Variants in IGF2BP3 observed in about 807,000 individuals in gnomAD.
IGF2BP3 encodes the protein insulin-like growth factor 2 mRNA-binding protein 3.
A neutral mutation model predicts 73.8 loss-of-function variants in IGF2BP3; 9 were observed. The ratio of observed to expected loss-of-function variants is 0.12; its 90% CI spans 0.07 to 0.21. The LOEUF (loss-of-function observed/expected upper bound fraction) is 0.21. Among genes scored for constraint, IGF2BP3 ranks in the 10% least tolerant of loss-of-function variants. The probability of loss-of-function intolerance (pLI) is 1.00; values close to 1 mark genes in which losing one functional copy is unlikely to be tolerated. For synonymous variants in IGF2BP3, 258 were observed against 256.7 expected, an observed-to-expected ratio of 1.01 and a Z score of -0.05; for missense variants, 542 against 714.0, an observed-to-expected ratio of 0.76 and a Z score of 2.75.
At chr7:23,327,472 G>C (rs1160013694) in intron 10 of IGF2BP3, among the ~76,000 whole-genome samples, 1 of 151,732 alleles carries the variant, frequency 6.6e-6, no homozygotes, top group Non-Finnish European at 1.5e-5. Flanking sequence ...TAGTAGAGAC[G>C]GGGTTTCACC....
intron 6 of IGF2BP3, 37 bp downstream of exon 6, chr7:23,351,268 T>C (rs754093079): frequency 2.5e-6 from 4 of 1,607,138 alleles, no homozygotes; most frequent in South Asian, 1.1e-5. Context: ...CCAAGGGGAA[T>C]TCTCATGAAC....
At chr7:23,428,679 A>C (rs921883164) in intron 2 of IGF2BP3, among the ~76,000 whole-genome samples, 3 of 151,108 alleles carry the variant, frequency 2.0e-5, no homozygotes. Context: ...ACTGCACTCC[A>C]GCCTCAGCAA....
At chr7:23,449,473 C>T (rs1339393345) in intron 2 of IGF2BP3, among the ~76,000 whole-genome samples, 3 of 151,482 alleles carry the variant, frequency 2.0e-5, no homozygotes, top group Non-Finnish European at 4.4e-5. Flanking sequence ...GCCGAGATAG[C>T]GCCACTGCAC....
At chr7:23,432,750 C>T (rs1236066117) in intron 2 of IGF2BP3, among the ~76,000 whole-genome samples, 1 of 151,998 alleles carries the variant, frequency 6.6e-6, no homozygotes, top group African/African-American at 2.4e-5. Flanking sequence ...ATGAGATCCT[C>T]CTGCCTCAGC....
At chr7:23,433,176 AAATT>A (rs1245072934) in intron 2 of IGF2BP3, among the ~76,000 whole-genome samples, 7 of 152,226 alleles carry the variant, frequency 4.6e-5, no homozygotes, top group Non-Finnish European at 1.0e-4. Context: ...GTAGCACTGA[AAATT>A]AATTATTCCC....
At chr7:23,449,808 G>A (rs1788155476) in intron 2 of IGF2BP3, among the ~76,000 whole-genome samples, 1 of 151,854 alleles carries the variant, frequency 6.6e-6, no homozygotes, top group African/African-American at 2.4e-5. Flanking sequence ...AGTGATCCAT[G>A]TGGCTACCTC....
chr7:23,425,061 C>T (rs36031806), intron 2 of IGF2BP3, among the ~76,000 whole-genome samples: 23,757 of 152,224 alleles, frequency 0.16, 1,935 homozygotes, highest in African/African-American at 0.18. Flanking sequence ...AACAGCATTA[C>T]TGCTCCTAGA....
intron 3 of IGF2BP3, among the ~76,000 whole-genome samples, chr7:23,378,452 G>C (rs1413441606): frequency 1.4e-5 from 2 of 144,614 alleles, no homozygotes; most frequent in East Asian, 3.9e-4. Flanking sequence ...GAGTGTAGTG[G>C]TATGATCTTG....
At chr7:23,466,006 C>T (rs1788558046) in intron 2 of IGF2BP3, among the ~76,000 whole-genome samples, 1 of 151,248 alleles carries the variant, frequency 6.6e-6, no homozygotes, top group African/African-American at 2.4e-5. Flanking sequence ...TATAGATTTC[C>T]AGAGGCAGAG....
chr7:23,362,976 A>G (rs1042033337), intron 3 of IGF2BP3, among the ~76,000 whole-genome samples: 1 of 152,040 alleles, frequency 6.6e-6, no homozygotes, highest in South Asian at 2.1e-4. Flanking sequence ...GCTGGTCTCA[A>G]ACTCCTGAGC....
At chr7:23,346,866 C>T (rs548629936) in intron 7 of IGF2BP3, among the ~76,000 whole-genome samples, 24 of 152,274 alleles carry the variant, frequency 1.6e-4, no homozygotes, top group African/African-American at 4.6e-4. Context: ...GCTGGGATTA[C>T]AGGCATGAGT....
intron 2 of IGF2BP3, among the ~76,000 whole-genome samples, chr7:23,462,494 T>C (rs1788473211): frequency 6.6e-6 from 1 of 152,112 alleles, no homozygotes; most frequent in Non-Finnish European, 1.5e-5. Flanking sequence ...ACCGCGTAGC[T>C]GGGACTAAAG....
intron 12 of IGF2BP3, among the ~76,000 whole-genome samples, chr7:23,316,349 C>T (rs553698825): frequency 1.3e-5 from 2 of 152,106 alleles, no homozygotes; most frequent in South Asian, 2.1e-4. Flanking sequence ...GAACTGTATG[C>T]ACTGTTACTA....
At chr7:23,413,798 C>A (rs1413794010) in intron 3 of IGF2BP3, 1 of 152,120 alleles carries the variant, frequency 6.6e-6, no homozygotes, top group Admixed American at 6.6e-5. Context: ...GGATGAGAAA[C>A]CACCATTTTC....
intron 2 of IGF2BP3, among the ~76,000 whole-genome samples, chr7:23,446,078 C>T (rs143715732): frequency 0.01 from 1,529 of 152,268 alleles, 28 homozygotes; most frequent in African/African-American, 0.035. Flanking sequence ...TCATCTTTCC[C>T]TCTGTGCTGA....
intron 3 of IGF2BP3, among the ~76,000 whole-genome samples, chr7:23,362,154 G>C (rs1386511303): frequency 6.6e-6 from 1 of 152,158 alleles, no homozygotes; most frequent in Non-Finnish European, 1.5e-5. Flanking sequence ...GCTCGCACCT[G>C]TAATCCTAGT....
intron 3 of IGF2BP3, among the ~76,000 whole-genome samples, chr7:23,400,914 C>T (rs1201389947): frequency 1.3e-5 from 2 of 152,228 alleles, no homozygotes; most frequent in African/African-American, 4.8e-5. Context: ...ATTCACGTGC[C>T]TCAGCCTCCC....
chr7:23,425,107 A>G (rs753422691), intron 2 of IGF2BP3, among the ~76,000 whole-genome samples: 1 of 152,202 alleles, frequency 6.6e-6, no homozygotes, highest in Non-Finnish European at 1.5e-5. Context: ...TTAGATATCC[A>G]CTAAGTGTTT....
intron 10 of IGF2BP3, among the ~76,000 whole-genome samples, chr7:23,320,933 G>C (rs1784120704): frequency 7.7e-6 from 1 of 130,572 alleles, no homozygotes; most frequent in Admixed American, 7.8e-5. Context: ...CTGGGTGAGA[G>C]TGAAACTCTG....
Sources: gnomAD v4.1 joint callset for allele counts (sites outside exome capture counted in the v4.1 genomes callset) on GRCh38, gnomAD v4.1.1 for gene constraint, MANE v1.5 for transcripts, NCBI Gene and HGNC (gene_info 2026-07-23, HGNC 2026-07-21) for gene names.